The following EXOC4 variants were observed in gnomAD, a reference collection of about 807,000 sequenced individuals.
EXOC4 encodes SEC8-like 1.
In EXOC4, 71 loss-of-function variants were observed where a neutral mutation model predicts 107.2. That is an observed-to-expected ratio of 0.66 (90% CI 0.55 to 0.81). The LOEUF (loss-of-function observed/expected upper bound fraction) is 0.81, where lower values mean the gene tolerates loss of function less well. EXOC4 is among the 30% of genes least tolerant of loss of function. The probability of loss-of-function intolerance (pLI) is 0.00; values close to 1 mark genes in which losing one functional copy is unlikely to be tolerated. For missense variants in EXOC4, 1,108 were observed against 1,189.6 expected, an observed-to-expected ratio of 0.93 and a Z score of 1.01; for synonymous variants, 456 against 441.2, an observed-to-expected ratio of 1.03 and a Z score of -0.42.
At chr7:133,597,180 G>A (rs1801693280) in intron 9 of EXOC4, among the ~76,000 whole-genome samples, 1 of 152,074 alleles carries the variant, frequency 6.6e-6, no homozygotes, top group East Asian at 1.9e-4. Flanking sequence ...CCTAAACAAC[G>A]GCCTCTACAA....
At chr7:134,100,149 T>C in the EXOC4 span, among the ~76,000 whole-genome samples, 2 of 152,122 alleles carry the variant, frequency 1.3e-5, no homozygotes, top group African/African-American at 4.8e-5. Context: ...CCATGAACCT[T>C]GTTAATGGGT....
intron 12 of EXOC4, among the ~76,000 whole-genome samples, chr7:133,901,834 A>G (rs549807997): frequency 6.6e-6 from 1 of 152,278 alleles, no homozygotes; most frequent in African/African-American, 2.4e-5. Flanking sequence ...TCATGTTGGC[A>G]TGCAGGCCTG....
rs1482723664 is a variant in EXOC4 at position 134,064,831 on chromosome 7, A to G, written c.*303A>G. ...TGAAAAACAAGTGGATGGATTACTA[A>G]TATTTGATTTATTACTCAATATATA... On this transcript the variant is annotated 3_prime_UTR_variant, in exon 18 of 18. Transcript: ENST00000253861. 5.3e-6 allele frequency: 1 copy of G among 187,256 alleles called. No individual in the cohort carries two copies. The highest frequency in any genetic ancestry group is 1.2e-4 in the East Asian group (1 of 8,120). The allele number at this position is 187,256 out of a possible 1,614,324, so 11.6% of individuals were successfully genotyped here.
chr7:133,567,616 T>G (rs1297007411), intron 9 of EXOC4, among the ~76,000 whole-genome samples: 2 of 152,184 alleles, frequency 1.3e-5, no homozygotes, highest in Non-Finnish European at 2.9e-5. Flanking sequence ...TAGTTCATTT[T>G]TTGCTGCTAT....
chr7:133,328,340 T>C (rs1395220853), intron 5 of EXOC4, among the ~76,000 whole-genome samples: 1 of 152,180 alleles, frequency 6.6e-6, no homozygotes, highest in Non-Finnish European at 1.5e-5. Context: ...TGAGATGGGT[T>C]TCCTGAATAC....
intron 13 of EXOC4, among the ~76,000 whole-genome samples, chr7:133,934,380 G>C (rs970392006): frequency 6.6e-6 from 1 of 152,182 alleles, no homozygotes; most frequent in Non-Finnish European, 1.5e-5. Flanking sequence ...TTGTTAGGGG[G>C]TGATTATGGA....
chr7:133,355,030 A>T (rs1396730847), intron 5 of EXOC4, among the ~76,000 whole-genome samples: 3 of 152,202 alleles, frequency 2.0e-5, no homozygotes, highest in Non-Finnish European at 2.9e-5. Flanking sequence ...ACTGAGGAGA[A>T]TGCCCTACAG....
chr7:133,450,984 A>G (rs1423045000), intron 7 of EXOC4, among the ~76,000 whole-genome samples: 1 of 152,220 alleles, frequency 6.6e-6, no homozygotes, highest in Admixed American at 6.5e-5. Context: ...CAGGCCAGCA[A>G]CTATGTGGTC....
At chr7:133,351,346 T>A (rs984828473) in intron 5 of EXOC4, among the ~76,000 whole-genome samples, 4 of 152,032 alleles carry the variant, frequency 2.6e-5, no homozygotes, top group African/African-American at 9.7e-5. Flanking sequence ...TTGGAAGATT[T>A]TAGACTACTT....
chr7:133,509,063 T>G (rs948548923), intron 9 of EXOC4, among the ~76,000 whole-genome samples: 1 of 152,170 alleles, frequency 6.6e-6, no homozygotes, highest in African/African-American at 2.4e-5. Context: ...CCCTTCTTAT[T>G]GTATTTAAGG....
At chr7:133,524,938 C>A (rs924630722) in intron 9 of EXOC4, among the ~76,000 whole-genome samples, 5 of 152,142 alleles carry the variant, frequency 3.3e-5, no homozygotes, top group Non-Finnish European at 7.4e-5. Flanking sequence ...TCCAAGCATA[C>A]CTGATTATTA....
rs138043066 is a variant in EXOC4, at chr7:133,767,827, G to T, written c.1515-49498G>T. On this transcript the variant is annotated intron_variant, in intron 10 of 17. Transcript: ENST00000253861. ...GAGTGCCCACTACATGGTAGGAACTGTGCTAGGACTAGACACAAAGACAAG... is the reference window on the plus strand; with the variant it reads ...GAGTGCCCACTACATGGTAGGAACTTTGCTAGGACTAGACACAAAGACAAG... 6.6e-5 allele frequency among the ~76,000 whole-genome samples: 10 copies of T among 152,108 alleles called. No individual in the cohort carries two copies. In the East Asian group the frequency reaches 1.9e-3, roughly 29 times the overall value.
chr7:133,915,626 G>C (rs1799792402), intron 12 of EXOC4, among the ~76,000 whole-genome samples: 1 of 152,194 alleles, frequency 6.6e-6, no homozygotes, highest in Non-Finnish European at 1.5e-5. Context: ...GGGTACACCT[G>C]CAACAGTCTC....
At chr7:134,052,620 A>G (rs1271856721) in intron 17 of EXOC4, among the ~76,000 whole-genome samples, 2 of 152,194 alleles carry the variant, frequency 1.3e-5, no homozygotes, top group Non-Finnish European at 2.9e-5. Context: ...TAGTTTTATC[A>G]TTTGTATTAT....
intron 7 of EXOC4, among the ~76,000 whole-genome samples, chr7:133,462,215 G>T (rs923373687): frequency 6.6e-6 from 1 of 152,058 alleles, no homozygotes; most frequent in Non-Finnish European, 1.5e-5. Context: ...TAGTAAGTAG[G>T]TGGAAACCAG....
At chr7:134,073,230 A>AAAAAAAAAAAAAC in the EXOC4 span, among the ~76,000 whole-genome samples, 3 of 18,424 alleles carry the variant, frequency 1.6e-4, no homozygotes, top group Non-Finnish European at 2.6e-4. Context: ...AAAAAAAAAA[A>AAAAAAAAAAAAAC]AACAACAAAG....
intron 12 of EXOC4, among the ~76,000 whole-genome samples, chr7:133,901,116 C>G (rs1799442391): frequency 6.6e-6 from 1 of 152,134 alleles, no homozygotes; most frequent in Non-Finnish European, 1.5e-5. Flanking sequence ...GTGATCCACC[C>G]ACCTCGGCCT....
intron 17 of EXOC4, among the ~76,000 whole-genome samples, chr7:134,014,229 CT>C (rs1204314887): frequency 6.6e-6 from 1 of 152,104 alleles, no homozygotes; most frequent in African/African-American, 2.4e-5. Context: ...CGATAAAACC[CT>C]GTCTCTACTA....
intron 10 of EXOC4, among the ~76,000 whole-genome samples, chr7:133,690,271 A>G (rs978357575): frequency 2.6e-5 from 4 of 152,234 alleles, no homozygotes; most frequent in African/African-American, 9.6e-5. Context: ...AAAGATATTT[A>G]CTTTTAATTT....
Sources: gnomAD v4.1 joint callset for allele counts (sites outside exome capture counted in the v4.1 genomes callset) on GRCh38, gnomAD v4.1.1 for gene constraint, MANE v1.5 for transcripts, NCBI Gene and HGNC (gene_info 2026-07-23, HGNC 2026-07-21) for gene names.